Variants in MORN1 observed in about 807,000 individuals in gnomAD.
The protein encoded by MORN1 is MORN repeat containing 1, also known as MORN repeat-containing protein 1.
A neutral mutation model predicts 61.9 loss-of-function variants in MORN1; 67 were observed. That is an observed-to-expected ratio of 1.08 (90% confidence interval 0.89 to 1.33). The LOEUF (loss-of-function observed/expected upper bound fraction) is 1.33. MORN1 is among the 40% of genes most tolerant of loss of function. The pLI, the probability that MORN1 is intolerant of heterozygous loss-of-function variation, is 0.00. For synonymous variants in MORN1, 301 were observed against 292.0 expected (o/e 1.03, Z -0.31); for missense variants, 752 against 691.2 (o/e 1.09, Z -0.99).
intron 12 of MORN1, among the ~76,000 whole-genome samples, chr1:2,327,175 AACACAGAG>A (rs1230986726): frequency 0.024 from 3,135 of 132,550 alleles, 252 homozygotes; most frequent in African/African-American, 0.087. Context: ...GACAGAAACA[AACACAGAG>A]ACACAGAGAC....
Position 2,334,185 on chromosome 1 carries a change from G to A in MORN1, c.1250+2284C>T, listed in dbSNP as rs578071889. Among the ~76,000 whole-genome samples the A allele has an allele frequency of 2.0e-5, 3 of 152,198 alleles. No individual in the cohort carries two copies. Among genetic ancestry groups the A allele is most frequent in the Admixed American group, 1.3e-4 (2 of 15,296 alleles). On this transcript the variant is annotated intron_variant, in intron 12 of 13. Transcript: ENST00000378531. This position sits in a 1 kb window ranked among gnomAD's most constrained non-coding sequence, Gnocchi z 5.4. ...ACAGAGCTGGGGAGGTCCTGGAAGA[G>A]GTCGTGAGGTCGACGCCCCGGTCAG... is the stretch of plus-strand genomic sequence containing the variant.
intron 10 of MORN1, chr1:2,351,628 C>T: frequency 6.5e-6 from 2 of 309,062 alleles, no homozygotes; most frequent in Non-Finnish European, 1.2e-5. Flanking sequence ...GTGTGGCGCC[C>T]CCAGCAAGCT....
intron 8 of MORN1, among the ~76,000 whole-genome samples, chr1:2,367,306 CAAAA>C (rs56188781): frequency 1.9e-4 from 25 of 132,788 alleles, no homozygotes; most frequent in South Asian, 4.8e-4. Context: ...ATTGCTCTAT[CAAAA>C]AAAAAAAAAA....
intron 8 of MORN1, among the ~76,000 whole-genome samples, chr1:2,369,176 C>G (rs775995126): frequency 1.3e-5 from 2 of 149,446 alleles, no homozygotes; most frequent in Admixed American, 1.3e-4. Context: ...AGGGTGAAAC[C>G]CTGTCTGTAC....
intron 10 of MORN1, among the ~76,000 whole-genome samples, chr1:2,348,646 GGCACGCACACAC>G (rs1193647058): frequency 1.3e-5 from 2 of 149,286 alleles, no homozygotes; most frequent in African/African-American, 4.9e-5. Flanking sequence ...CACCTGCGCA[GGCACGCACACAC>G]GCACGCACAC....
intron 1 of MORN1, among the ~76,000 whole-genome samples, 192 bp downstream of exon 1, chr1:2,391,266 G>C (rs1025019558): frequency 1.3e-5 from 2 of 152,168 alleles, no homozygotes; most frequent in Non-Finnish European, 2.9e-5. Flanking sequence ...CTCGGGGAAG[G>C]GTGCGAGCCG....
chr1:2,379,190 TC>T (rs34589709), intron 6 of MORN1: 4 of 470,342 alleles, frequency 8.5e-6, no homozygotes, highest in Non-Finnish European at 1.8e-5. Flanking sequence ...AGCCGATGTC[TC>T]CTTGAGTTTC....
At chr1:2,361,114 G>GT (rs1427663414) in intron 8 of MORN1, among the ~76,000 whole-genome samples, 5 of 152,208 alleles carry the variant, frequency 3.3e-5, no homozygotes, top group African/African-American at 1.2e-4. Flanking sequence ...ATGCAGGAAA[G>GT]TATGGCCCAT....
At chr1:2,374,346 GC>G in intron 7 of MORN1, 114 bp downstream of exon 7, 2 of 804,894 alleles carry the variant, frequency 2.5e-6, no homozygotes, top group Non-Finnish European at 4.1e-6. Context: ...ATTCCACTTT[GC>G]CCCACCCCTC....
chr1:2,374,466 G>A lies in MORN1; in HGVS notation c.629C>T (p.Pro210Leu), dbSNP rs2100342021. 3 of 1,590,334 alleles carry A rather than the reference G, an allele frequency of 1.9e-6. No individual in the cohort carries two copies. Among genetic ancestry groups the A allele is most frequent in the African/African-American group, 1.3e-5 (1 of 74,844 alleles). Residue 210 changes from proline to leucine, a missense_variant, in exon 7 of 14, where the codon CCA becomes CTA. Pro to Leu is a moderately conservative substitution (Grantham distance 98). Transcript: ENST00000378531. Reference sequence around the variant, plus strand: ...AGGAAGGCAGGGACACCTACCTGCTGGGTGGCCATTGATCCACAACCCATA... The same window carrying A: ...AGGAAGGCAGGGACACCTACCTGCTAGGTGGCCATTGATCCACAACCCATA... ...TYYGLWINGH[P>L]AEQATRIVIL...
chr1:2,361,333 G>A (rs1641885775), intron 8 of MORN1, among the ~76,000 whole-genome samples: 1 of 38,324 alleles, frequency 2.6e-5, no homozygotes. Flanking sequence ...AAGGTTGGCA[G>A]ATCACCTGAG....
At chr1:2,356,461 G>T (rs75627712) in intron 10 of MORN1, among the ~76,000 whole-genome samples, 6,121 of 152,274 alleles carry the variant, frequency 0.04, 388 homozygotes, top group African/African-American at 0.14. Context: ...CCTGCGGCCT[G>T]TGTCCTCCCC....
rs1009869576 is a variant in MORN1, at chr1:2,336,195, G to A, written c.1250+274C>T. On this transcript the variant is annotated intron_variant, in intron 12 of 13. Coordinates refer to ENST00000378531, the MANE Select transcript of MORN1 (RefSeq NM_024848.3). ...CTTCTGCATGCCCACAGCCTGGTCCGCCCGGCGGGTCTGGGAGTTGTGGTG... is the reference window on the plus strand; with the variant it reads ...CTTCTGCATGCCCACAGCCTGGTCCACCCGGCGGGTCTGGGAGTTGTGGTG... Among the ~76,000 whole-genome samples the A allele has an allele frequency of 4.6e-5, 7 of 152,194 alleles. No homozygotes were observed. In the East Asian group the frequency reaches 5.8e-4, roughly 13 times the overall value.
At chr1:2,383,246 T>C (rs1642411760) in intron 6 of MORN1, among the ~76,000 whole-genome samples, 1 of 152,000 alleles carries the variant, frequency 6.6e-6, no homozygotes, top group Non-Finnish European at 1.5e-5. Flanking sequence ...CTGTGGGAGG[T>C]AGTGTTTCTA....
At chr1:2,326,848 C>T (rs1418404836) in intron 12 of MORN1, among the ~76,000 whole-genome samples, 3 of 152,208 alleles carry the variant, frequency 2.0e-5, no homozygotes, top group African/African-American at 4.8e-5. Flanking sequence ...GCCTCCCCGT[C>T]GGGGTTGGTG....
intron 10 of MORN1, among the ~76,000 whole-genome samples, chr1:2,354,975 G>T (rs988680315): frequency 1.3e-5 from 2 of 152,200 alleles, no homozygotes; most frequent in Non-Finnish European, 2.9e-5. Flanking sequence ...TTTACGGCTG[G>T]ACACTCACAT....
chr1:2,333,516 C>T (rs1641203787), intron 12 of MORN1, among the ~76,000 whole-genome samples: 2 of 152,230 alleles, frequency 1.3e-5, no homozygotes, highest in Non-Finnish European at 2.9e-5. Flanking sequence ...TTGTCAGTCA[C>T]AGGGCCACAC....
chr1:2,322,424 A>G (rs1338414904), intron 13 of MORN1: 1 of 985,308 alleles, frequency 1.0e-6, no homozygotes, highest in Non-Finnish European at 1.2e-6. Context: ...CCTGGAAAAC[A>G]GCGCTCCCCT....
At chr1:2,366,687 C>A (rs1642002071) in intron 8 of MORN1, among the ~76,000 whole-genome samples, 2 of 151,962 alleles carry the variant, frequency 1.3e-5, no homozygotes, top group African/African-American at 4.8e-5. Context: ...CCATGCCTGG[C>A]TAATTTTTGT....
Sources: gnomAD v4.1 joint callset for allele counts (sites outside exome capture counted in the v4.1 genomes callset) on GRCh38, gnomAD v4.1.1 for gene constraint, Gnocchi (gnomAD v3.1) non-coding constraint, MANE v1.5 for transcripts, NCBI Gene and HGNC (gene_info 2026-07-23, HGNC 2026-07-21) for gene names.